Variants in NOL3 observed in about 807,000 individuals in gnomAD.
NOL3 encodes muscle-enriched cytoplasmic protein.
Under a neutral mutation model 19.2 loss-of-function variants are expected in NOL3, and 18 were observed. That is an observed-to-expected ratio of 0.94 (90% CI 0.65 to 1.39). The LOEUF (loss-of-function observed/expected upper bound fraction) is 1.39. Among genes scored for constraint, NOL3 ranks in the 40% most tolerant of loss-of-function variants. The probability of loss-of-function intolerance (pLI) is 0.00; values close to 1 mark genes in which losing one functional copy is unlikely to be tolerated. For missense variants in NOL3, 290 were observed against 289.5 expected (o/e 1.00, Z -0.01); for synonymous variants, 127 against 137.3 (o/e 0.93, Z 0.52).
chr16:67,171,217 G>C (rs1392606715), intron 1 of NOL3: 1 of 152,360 alleles, frequency 6.6e-6, no homozygotes, highest in Non-Finnish European at 1.5e-5. Flanking sequence ...CTCAGTTGAA[G>C]AAAGCGGAGA....
chr16:67,174,386 T>A lies in NOL3; in HGVS notation c.217T>A (p.Cys73Ser), dbSNP rs1421645576. ...GGTGCAGGGCAAGGGCGAGGCCGCCTGCCAGGAGCTGCTACGCTGTGCCCA... is the reference window on the plus strand; with the variant it reads ...GGTGCAGGGCAAGGGCGAGGCCGCCAGCCAGGAGCTGCTACGCTGTGCCCA... Residue 73 changes from cysteine to serine, a missense_variant, in exon 2 of 4, where the codon TGC (cysteine) becomes AGC (serine). By Grantham distance (112) the Cys-to-Ser change is moderately radical (BLOSUM62 -1). This residue lies in a region of NOL3 where 153 missense variants were observed against 149.4 expected (regional missense o/e 1.02). Coordinates refer to ENST00000268605, the Ensembl canonical transcript of NOL3. The A allele has an allele frequency of 2.6e-6, 4 of 1,558,558 alleles. No homozygotes were observed. The South Asian group carries it at 3.5e-5, about 13-fold the overall frequency.
At chr16:67,175,179 G>A in exon 4 of NOL3, 1 of 1,574,312 alleles carries the variant, frequency 6.4e-7, no homozygotes. Flanking sequence ...ATAAACTCCG[G>A]AGGGTCGGAC....
chr16:67,173,769 A>G, intron 1 of NOL3: 1 of 1,114,460 alleles, frequency 9.0e-7, no homozygotes, highest in South Asian at 1.6e-5. Context: ...CAGATTTGAG[A>G]GAAAGACCTT....
intron 1 of NOL3, chr16:67,171,036 G>C (rs1024718069): frequency 1.3e-5 from 2 of 152,308 alleles, no homozygotes; most frequent in African/African-American, 2.4e-5. Flanking sequence ...CCCCCAGACA[G>C]GATAAAGGGC....
At position 67,170,925 on chromosome 16, in the gene NOL3, G is replaced by A. The variant is rs1307249391; in HGVS notation, c.-9+351G>A. Reference sequence around the variant, plus strand: ...GCCCCGCCACCTGGCTCTCTGGGAAGAATCGGACCTGTCACCCTCGAAGGA... The same window carrying A: ...GCCCCGCCACCTGGCTCTCTGGGAAAAATCGGACCTGTCACCCTCGAAGGA... On this transcript the variant is annotated intron_variant, in intron 1 of 3. Coordinates refer to ENST00000268605, the Ensembl canonical transcript of NOL3. This position sits in a 1 kb window ranked among gnomAD's most constrained non-coding sequence, Gnocchi z 5.7. Among the ~76,000 whole-genome samples the A allele has an allele frequency of 1.3e-5, 2 of 152,258 alleles. No individual in the cohort carries two copies. Among genetic ancestry groups the A allele is most frequent in the African/African-American group, 4.8e-5 (2 of 41,476 alleles).
exon 4 of NOL3, chr16:67,175,157 C>T (rs548484873): frequency 1.4e-5 from 22 of 1,592,422 alleles, no homozygotes; most frequent in Non-Finnish European, 1.7e-5. Flanking sequence ...AGCCCAGTAC[C>T]GCTGGAAGTG....
intron 1 of NOL3, among the ~76,000 whole-genome samples, chr16:67,172,245 C>T (rs1046010287): frequency 2.0e-5 from 3 of 152,072 alleles, no homozygotes; most frequent in Non-Finnish European, 4.4e-5. Context: ...ATGTCTTTGC[C>T]TCCTAATGCC....
chr16:67,171,317 C>G (rs529101971), intron 1 of NOL3: 86 of 152,458 alleles, frequency 5.6e-4, no homozygotes, highest in African/African-American at 2.0e-3. Flanking sequence ...ACCACCAGCC[C>G]TTGGGACACT....
At chr16:67,173,819 C>T (rs2031920005) in intron 1 of NOL3, 2 of 1,497,508 alleles carry the variant, frequency 1.3e-6, no homozygotes, top group African/African-American at 1.4e-5. Context: ...TCGGATTTGC[C>T]GGGGGTGGAG....
At position 67,174,147 on chromosome 16, in the gene NOL3, C is replaced by G; in HGVS notation, c.-8-15C>G. ...GGGCAACCCCCCATTACTTCTCTCCCCTTTCCCCATGCAGCCCCGACAATG... is the reference window on the plus strand; with the variant it reads ...GGGCAACCCCCCATTACTTCTCTCCGCTTTCCCCATGCAGCCCCGACAATG... On this transcript the variant is annotated splice_polypyrimidine_tract_variant and intron_variant, in intron 1 of 3. Transcript: ENST00000268605. 6.2e-7 allele frequency: 1 copy of G among 1,605,068 alleles called. No homozygotes were observed. Among genetic ancestry groups the G allele is most frequent in the Non-Finnish European group, 8.5e-7 (1 of 1,175,024 alleles).
At position 67,174,685 on chromosome 16, in the gene NOL3, G is replaced by C. The variant is rs371108668; in HGVS notation, c.360G>C (p.Ser120=). Reference sequence around the variant, plus strand: ...ACTGGACGCCGGAGGCACCCGGCTCGGGGACCACATGCCCCGGGTTGCCCA... The same window carrying C: ...ACTGGACGCCGGAGGCACCCGGCTCCGGGACCACATGCCCCGGGTTGCCCA... Residue 120 remains serine, a synonymous_variant, in exon 3 of 4, where the codon TCG becomes TCC. Coordinates refer to ENST00000268605, the Ensembl canonical transcript of NOL3. 8 of 1,595,290 alleles carry C rather than the reference G, an allele frequency of 5.0e-6. No homozygotes were observed. In the Admixed American group the frequency reaches 1.4e-4, roughly 28 times the overall value.
At chr16:67,173,325 G>A (rs1370568081) in intron 1 of NOL3, among the ~76,000 whole-genome samples, 1 of 152,184 alleles carries the variant, frequency 6.6e-6, no homozygotes, top group East Asian at 1.9e-4. Flanking sequence ...TGGGTCTCAG[G>A]TGATGTCAAG....
intron 1 of NOL3, chr16:67,172,989 A>C (rs1307626392): frequency 6.6e-6 from 1 of 150,568 alleles, no homozygotes; most frequent in Non-Finnish European, 1.5e-5. Context: ...AAAAAAAAAA[A>C]AAAAAAGGCT....
At chr16:67,174,059 C>G in intron 1 of NOL3, 103 bp from the exon 2 acceptor site, 1 of 1,570,588 alleles carries the variant, frequency 6.4e-7, no homozygotes. Context: ...GAACTTAAAC[C>G]CCAGCCTGGG....
At chr16:67,173,720 CATCA>C (rs1330259197) in intron 1 of NOL3, 1 of 674,288 alleles carries the variant, frequency 1.5e-6, no homozygotes, top group Non-Finnish European at 2.5e-6. Flanking sequence ...GGAGTATCAG[CATCA>C]ATCCTAGGTT....
At chr16:67,174,977 G>T in intron 3 of NOL3, 33 bp downstream of exon 3, 1 of 1,609,378 alleles carries the variant, frequency 6.2e-7, no homozygotes, top group Non-Finnish European at 8.5e-7. Context: ...AGCCGGCTTG[G>T]CGGGAGGGCA....
chr16:67,174,782 C>G, exon 3 of NOL3: 1 of 1,606,806 alleles, frequency 6.2e-7, no homozygotes, highest in Non-Finnish European at 8.5e-7. Context: ...CCCGGAGGAG[C>G]CAGAGCCAGA....
chr16:67,174,126 A>C (rs761529876), intron 1 of NOL3, 36 bp from the exon 2 acceptor site: 1 of 1,603,124 alleles, frequency 6.2e-7, no homozygotes, highest in Non-Finnish European at 8.5e-7. Context: ...CGGGGAGGGC[A>C]ACCCCCCATT....
chr16:67,172,068 C>T (rs1174398738), intron 1 of NOL3: 1 of 152,092 alleles, frequency 6.6e-6, no homozygotes, highest in Non-Finnish European at 1.5e-5. Context: ...AGGACTAAAT[C>T]CTCTCTCCCA....
Sources: allele counts gnomAD v4.1 joint callset (sites outside exome capture counted in the v4.1 genomes callset), GRCh38; gene constraint gnomAD v4.1.1; regional missense constraint gnomAD v4.1.1; non-coding constraint Gnocchi (gnomAD v3.1); transcripts MANE v1.5; gene names NCBI Gene and HGNC (gene_info 2026-07-23, HGNC 2026-07-21).